The following CDAN1 variants were observed in gnomAD, a reference collection of about 807,000 sequenced individuals.
The protein encoded by CDAN1 is codanin-1.
Under a neutral mutation model 139.8 loss-of-function variants are expected in CDAN1, and 107 were observed. That is an observed-to-expected ratio of 0.77 (90% CI 0.65 to 0.90). The LOEUF (loss-of-function observed/expected upper bound fraction) is 0.90, where lower values mean the gene tolerates loss of function less well. Among genes scored for constraint, CDAN1 ranks in the 40% least tolerant of loss-of-function variants. The pLI is 0.00. For missense variants in CDAN1, 1,667 were observed against 1,575.7 expected, an observed-to-expected ratio of 1.06 and a Z score of -0.98; for synonymous variants, 776 against 660.6, an observed-to-expected ratio of 1.17 and a Z score of -2.68.
At position 42,729,073 on chromosome 15, in the gene CDAN1, G is replaced by T; in HGVS notation, c.2595C>A (p.Thr865=). 1 of 1,614,206 alleles carries T rather than the reference G, an allele frequency of 6.2e-7. No individual in the cohort carries two copies. The highest frequency in any genetic ancestry group is 8.5e-7 in the Non-Finnish European group (1 of 1,180,038). The part of the protein sequence containing the change: ...FHNQPPSLRR[T]VEFVAERIGS... ...CAATTCTTTCTGCCACGAACTCTAC[G>T]GTCCGGCGCAAGGAGGGCGGCTGGT... The change falls in exon 19 of 28, where the codon ACC becomes ACA. Residue 865 remains threonine, a synonymous_variant. Coordinates refer to ENST00000356231, the MANE Select transcript of CDAN1 (RefSeq NM_138477.4).
At position 42,734,221 on chromosome 15, in the gene CDAN1, A is replaced by T; in HGVS notation, c.1257+5T>A. 1 of 1,614,118 alleles carries T rather than the reference A, an allele frequency of 6.2e-7. No individual in the cohort carries two copies. Among genetic ancestry groups the T allele is most frequent in the East Asian group, 2.2e-5 (1 of 44,892 alleles). On this transcript the variant is annotated splice_donor_5th_base_variant and intron_variant, in intron 7 of 27. Coordinates refer to ENST00000356231, the MANE Select transcript of CDAN1 (RefSeq NM_138477.4). The stretch of plus-strand genomic sequence containing the variant: ...GCTAGTGGGCAACTAAGCTGGGGTT[A>T]CTACCTTGGCAACACTGCCCTCATA...
Position 42,736,637 on chromosome 15 carries a change from G to T in CDAN1, c.234C>A (p.Ala78=). The stretch of plus-strand genomic sequence containing the variant: ...CCGGCCTCCCTGGCAAGGCTGCCGA[G>T]GCGCCCGGGGTCTTGGCGGGGGTCG... ...GPPTPAKTPG[A]SAALPGRPGG... is the part of the protein sequence containing the mutation. Residue 78 remains alanine (A), a synonymous_variant, in exon 2 of 28, where the codon GCC becomes GCA. Coordinates refer to ENST00000356231, the MANE Select transcript of CDAN1 (RefSeq NM_138477.4). 1 of 1,519,198 alleles carries T rather than the reference G, an allele frequency of 6.6e-7. No individual in the cohort carries two copies. Among genetic ancestry groups the T allele is most frequent in the Non-Finnish European group, 8.8e-7 (1 of 1,133,886 alleles). The allele number at this position is 1,519,198 out of a possible 1,614,324, so 94.1% of individuals were successfully genotyped here.
intron 15 of CDAN1, 93 bp downstream of exon 15, chr15:42,730,035 T>C (rs1363675411): frequency 7.3e-7 from 1 of 1,364,312 alleles, no homozygotes; most frequent in East Asian, 2.3e-5. Context: ...ACCTTCGTCT[T>C]CCAGCCCTTG....
Position 42,727,935 on chromosome 15 carries a change from TC to T in CDAN1, c.2947+19del, listed in dbSNP as rs2061553541. ...CTTTTTAAACACTTGATTCAGCCAC[TC>T]CCCCATCCAGGACCTTACCTGTGAT... is the stretch of plus-strand genomic sequence containing the variant. On this transcript the variant is annotated intron_variant, in intron 22 of 27. Transcript: ENST00000356231. 2 of 1,611,492 alleles carry T rather than the reference TC, an allele frequency of 1.2e-6. No homozygotes were observed. Among genetic ancestry groups the T allele is most frequent in the Non-Finnish European group, 1.7e-6 (2 of 1,177,784 alleles).
chr15:42,729,845 C>G lies in CDAN1; in HGVS notation c.2303G>C (p.Gly768Ala). ...VPEDLFFLEE[G>A]PSYAFEVDTV... Reference sequence around the variant, plus strand: ...GTCCACCTCAAAGGCATATGAGGGACCCTCTTCCAGAAAGAACAAGTCCTC... The same window carrying G: ...GTCCACCTCAAAGGCATATGAGGGAGCCTCTTCCAGAAAGAACAAGTCCTC... Residue 768 changes from glycine (G) to alanine (A), a missense_variant, in exon 16 of 28, where the codon GGT becomes GCT. Gly to Ala is a moderately conservative substitution (Grantham distance 60). Transcript: ENST00000356231. 1 of 1,613,950 alleles carries G rather than the reference C, an allele frequency of 6.2e-7. No individual in the cohort carries two copies. The highest frequency in any genetic ancestry group is 1.3e-5 in the African/African-American group (1 of 75,024).
intron 1 of CDAN1, 101 bp downstream of exon 1, chr15:42,736,906 TCGGCCC>T: frequency 6.8e-7 from 1 of 1,468,590 alleles, no homozygotes; most frequent in Non-Finnish European, 9.1e-7. Context: ...TGGAGTGCAC[TCGGCCC>T]GGCTGGCAGC....
Position 42,729,108 on chromosome 15 carries a change from A to T in CDAN1, c.2560T>A (p.Phe854Ile), listed in dbSNP as rs1422916298. The T allele has an allele frequency of 1.2e-6, 2 of 1,614,050 alleles. No homozygotes were observed. The highest frequency in any genetic ancestry group is 2.7e-5 in the African/African-American group (2 of 74,914). Residue 854 changes from phenylalanine to isoleucine, a missense_variant, in exon 19 of 28, where the codon TTT becomes ATT. Physicochemically the swap from Phe to Ile is conservative, Grantham distance 21. Around this residue, in one of 3 missense-constraint regions of CDAN1, gnomAD observed 936 missense variants for 844.1 expected, o/e 1.11. Transcript: ENST00000356231. ...AAGGAGGGCGGCTGGTTGTGGAAAAAGGCCTGGGCGAGCTGTGCCTGGGGG... is the reference window on the plus strand; with the variant it reads ...AAGGAGGGCGGCTGGTTGTGGAAAATGGCCTGGGCGAGCTGTGCCTGGGGG... The part of the protein sequence containing the change: ...QGLQAQLAQA[F>I]FHNQPPSLRR...
Position 42,736,063 on chromosome 15 carries a change from G to A in CDAN1, c.585C>T (p.Arg195=). 1 of 1,614,150 alleles carries A rather than the reference G, an allele frequency of 6.2e-7. No individual in the cohort carries two copies. The highest frequency in any genetic ancestry group is 1.7e-5 in the Admixed American group (1 of 60,028). ...CGCTCACCGGAGTTGGGTTGATCCT[G>A]CGAGAAGGCTTCGTCCTGCTGAGAG... ...PPGPTGTKPS[R]RINPTPVSEE... Residue 195 remains arginine, a synonymous_variant, in exon 3 of 28, where the codon CGC becomes CGT. Coordinates refer to ENST00000356231, the MANE Select transcript of CDAN1 (RefSeq NM_138477.4).
rs372998688 is a variant in CDAN1, at chr15:42,727,946, G to A, written c.2947+9C>T. The stretch of plus-strand genomic sequence containing the variant: ...CTTGATTCAGCCACTCCCCCATCCA[G>A]GACCTTACCTGTGATGTTGGCTGAC... On this transcript the variant is annotated intron_variant, in intron 22 of 27. Coordinates refer to ENST00000356231, the MANE Select transcript of CDAN1 (RefSeq NM_138477.4). 1.2e-6 allele frequency: 2 copies of A among 1,613,488 alleles called. No homozygotes were observed. Among genetic ancestry groups the A allele is most frequent in the African/African-American group, 1.3e-5 (1 of 75,012 alleles).
rs1417593033 is a variant in CDAN1 at position 42,725,654 on chromosome 15, A to C, written c.3285T>G (p.Pro1095=). ...LASLLVADQI[P]ILGPPAQYRL... is the part of the protein sequence containing the mutation. ...TGTACTGTGCCGGGGGCCCTAGGAT[A>C]GGAATTTGATCTGCAACTGTGGAAA... Residue 1095 remains proline (P), a synonymous_variant, in exon 26 of 28, where the codon CCT becomes CCG. Coordinates refer to ENST00000356231, the MANE Select transcript of CDAN1 (RefSeq NM_138477.4). The C allele has an allele frequency of 6.2e-7, 1 of 1,614,036 alleles. No homozygotes were observed. Among genetic ancestry groups the C allele is most frequent in the South Asian group, 1.1e-5 (1 of 91,074 alleles).
At position 42,730,753 on chromosome 15, in the gene CDAN1, G is replaced by A. The variant is rs780807045; in HGVS notation, c.2019C>T (p.Val673=). Residue 673 remains valine, a synonymous_variant, in exon 14 of 28, where the codon GTC becomes GTT. Transcript: ENST00000356231. ...ILALRSQVPP[V]LDVRTLLQRG... ...GCTGCAGCAGAGTCCGCACATCCAGGACCGGAGGGACCTGGGAGGGCCAGA... is the reference window on the plus strand; with the variant it reads ...GCTGCAGCAGAGTCCGCACATCCAGAACCGGAGGGACCTGGGAGGGCCAGA... 4 of 1,611,860 alleles carry A rather than the reference G, an allele frequency of 2.5e-6. No homozygotes were observed. In the African/African-American group the frequency reaches 4.0e-5, roughly 16 times the overall value.
Position 42,736,062 on chromosome 15 carries a change from T to C in CDAN1, c.586A>G (p.Arg196Gly). 1 of 1,614,174 alleles carries C rather than the reference T, an allele frequency of 6.2e-7. No individual in the cohort carries two copies. Among genetic ancestry groups the C allele is most frequent in the Non-Finnish European group, 8.5e-7 (1 of 1,180,012 alleles). Residue 196 changes from arginine to glycine, a missense_variant, in exon 3 of 28, where the codon AGG (arginine) becomes GGG (glycine). Coordinates refer to ENST00000356231, the MANE Select transcript of CDAN1 (RefSeq NM_138477.4). Reference protein sequence around the residue: ...PGPTGTKPSRRINPTPVSEER... With the variant: ...PGPTGTKPSRGINPTPVSEER... The stretch of plus-strand genomic sequence containing the variant: ...TCGCTCACCGGAGTTGGGTTGATCC[T>C]GCGAGAAGGCTTCGTCCTGCTGAGA...
chr15:42,726,610 A>C, intron 23 of CDAN1, 193 bp from the exon 24 acceptor site: 1 of 599,758 alleles, frequency 1.7e-6, no homozygotes. Flanking sequence ...CCATGTGGAC[A>C]ACAAAAGAGG....
rs1256974302 is a variant in CDAN1, at chr15:42,735,990, T to C, written c.658A>G (p.Ile220Val). 4 of 1,614,076 alleles carry C rather than the reference T, an allele frequency of 2.5e-6. No individual in the cohort carries two copies. Among genetic ancestry groups the C allele is most frequent in the East Asian group, 4.5e-5 (2 of 44,858 alleles). The change falls in exon 3 of 28, where the codon ATC becomes GTC. Residue 220 changes from isoleucine to valine, a missense_variant. Around this residue, in one of 3 missense-constraint regions of CDAN1, gnomAD observed 487 missense variants for 422.2 expected, o/e 1.15. Coordinates refer to ENST00000356231, the MANE Select transcript of CDAN1 (RefSeq NM_138477.4). ...GGTTGGGAACTGGGGACACAGCTGATTGGGGGTGAGGTGAAGCAGGTCTTG... is the reference window on the plus strand; with the variant it reads ...GGTTGGGAACTGGGGACACAGCTGACTGGGGGTGAGGTGAAGCAGGTCTTG... ...KPKTCFTSPP[I>V]SCVPSSQPSA...
rs755276974 is a variant in CDAN1, at chr15:42,733,982, G to A, written c.1323C>T (p.Ala441=). ...GAAAGGCTCGGTCACTGGAGAAGTT[G>A]GCACGATTGTCAGTCTCTGGCTGAA... ...VSFQPETDNR[A]NFSSDRAFHT... is the part of the protein sequence containing the mutation. The change falls in exon 8 of 28, where the codon GCC becomes GCT. Residue 441 remains alanine, a synonymous_variant. Transcript: ENST00000356231. 1.9e-6 allele frequency: 3 copies of A among 1,614,092 alleles called. No individual in the cohort carries two copies. In the Admixed American group the frequency reaches 5.0e-5, roughly 27 times the overall value.
In CDAN1 at chr15:42,736,744, G is replaced by A. The variant is rs2061693724; in HGVS notation, c.127C>T (p.Arg43Trp). Reference protein sequence around the residue: ...AGEAAALSSLRALRKEFVPFL... With the variant: ...AGEAAALSSLWALRKEFVPFL... The stretch of plus-strand genomic sequence containing the variant: ...GGTACGAATTCTTTCCGCAGGGCCC[G>A]GAGTGAGCTCAGCGCGGCCGCCTCC... The change falls in exon 2 of 28, where the codon CGG becomes TGG. Residue 43 changes from arginine (R) to tryptophan (W), a missense_variant. Arg to Trp is a moderately radical substitution (Grantham distance 101). Coordinates refer to ENST00000356231, the MANE Select transcript of CDAN1 (RefSeq NM_138477.4). The A allele has an allele frequency of 6.4e-7, 1 of 1,556,760 alleles. No homozygotes were observed. The highest frequency in any genetic ancestry group is 8.6e-7 in the Non-Finnish European group (1 of 1,156,222).
rs1166613988 is a variant in CDAN1, at chr15:42,727,693, C to A, written c.3024G>T (p.Gly1008=). Residue 1008 remains glycine, a synonymous_variant, in exon 23 of 28, where the codon GGG becomes GGT. Coordinates refer to ENST00000356231, the MANE Select transcript of CDAN1 (RefSeq NM_138477.4). ...AGGCGCGGGAGCAGCCCCTCCGCTC[C>A]CCCCGGGCAGCAGGTTCAGGACCCT... is the stretch of plus-strand genomic sequence containing the variant. The part of the protein sequence containing the change: ...RAQGPEPAAR[G]ERRGCSRACE... The A allele has an allele frequency of 2.5e-6, 4 of 1,585,450 alleles. No individual in the cohort carries two copies. In the Admixed American group the frequency reaches 5.2e-5, roughly 21 times the overall value.
chr15:42,730,520 C>G, intron 14 of CDAN1, 78 bp downstream of exon 14: 1 of 1,539,996 alleles, frequency 6.5e-7, no homozygotes, highest in Non-Finnish European at 8.9e-7. Flanking sequence ...ACTGCTCGAC[C>G]CTCTTTATTA....
chr15:42,727,528 A>G (rs2061545220), intron 23 of CDAN1, 93 bp downstream of exon 23: 2 of 1,232,960 alleles, frequency 1.6e-6, no homozygotes, highest in Non-Finnish European at 2.2e-6. Flanking sequence ...GCTTCTACAT[A>G]AAAATCCTGG....
Sources: allele counts gnomAD v4.1 joint callset, GRCh38; gene constraint gnomAD v4.1.1; regional missense constraint gnomAD v4.1.1; transcripts MANE v1.5; gene names NCBI Gene and HGNC (gene_info 2026-07-23, HGNC 2026-07-21).